SLC27A6: variants seen among roughly 807,000 people sequenced by gnomAD.
SLC27A6 encodes long-chain fatty acid transport protein 6.
A neutral mutation model predicts 63.9 loss-of-function variants in SLC27A6; 74 were observed. The ratio of observed to expected loss-of-function variants is 1.16; its 90% CI spans 0.96 to 1.40. The LOEUF is 1.40. Ranked by LOEUF, SLC27A6 falls within the 40% of genes most tolerant of loss-of-function variation. The pLI is 0.00. For missense variants in SLC27A6, 794 were observed against 732.9 expected (o/e 1.08, Z -0.96); for synonymous variants, 287 against 260.8 (o/e 1.10, Z -0.97).
chr5:129,023,930 TA>T (rs1257588711), intron 6 of SLC27A6, among the ~76,000 whole-genome samples: 22 of 152,130 alleles, frequency 1.4e-4, no homozygotes, highest in African/African-American at 5.1e-4. Flanking sequence ...TAATACAATG[TA>T]AATGCTACAT....
intron 9 of SLC27A6, 27 bp from the exon 10 acceptor site, chr5:129,033,079 C>G: frequency 6.5e-7 from 1 of 1,533,618 alleles, no homozygotes; most frequent in East Asian, 2.3e-5. Flanking sequence ...TTAAATGATT[C>G]TACTCATCCT....
At chr5:129,014,465 GT>G (rs1751825680) in intron 4 of SLC27A6, among the ~76,000 whole-genome samples, 1 of 152,160 alleles carries the variant, frequency 6.6e-6, no homozygotes, top group South Asian at 2.1e-4. Flanking sequence ...GTGCTTTTGT[GT>G]TTGAATTACA....
chr5:129,019,300 C>T (rs577189906), intron 5 of SLC27A6, among the ~76,000 whole-genome samples: 2 of 151,582 alleles, frequency 1.3e-5, no homozygotes, highest in Admixed American at 6.6e-5. Flanking sequence ...AGTATTTTCA[C>T]CTGGGGAAAG....
intron 4 of SLC27A6, among the ~76,000 whole-genome samples, chr5:128,992,871 A>G (rs1045431068): frequency 3.9e-5 from 6 of 152,190 alleles, no homozygotes; most frequent in Non-Finnish European, 8.8e-5. Flanking sequence ...TTTCTAAACC[A>G]TGTGCTCCAC....
Position 129,033,328 on chromosome 5 carries a change from G to GA in SLC27A6, c.*47dup. The GA allele has an allele frequency of 1.3e-5, 16 of 1,190,546 alleles. No individual in the cohort carries two copies. Among genetic ancestry groups the GA allele is most frequent in the Non-Finnish European group, 1.9e-5 (16 of 845,562 alleles). The allele number at this position is 1,190,546 out of a possible 1,614,324, so 73.7% of individuals were successfully genotyped here. A position where few individuals can be genotyped will look rare whatever the true frequency, so the allele number is the denominator to read the frequency against. On this transcript the variant is annotated 3_prime_UTR_variant, in exon 10 of 10. Coordinates refer to ENST00000262462, the MANE Select transcript of SLC27A6 (RefSeq NM_001017372.3). ...TCATATGCTTTCTTAGGAAGAGTGA[G>GA]AGGGGGGTATATGATTCTTTATGAA... is the stretch of plus-strand genomic sequence containing the variant.
chr5:128,999,876 T>A (rs1015313445), intron 4 of SLC27A6, among the ~76,000 whole-genome samples: 1 of 152,128 alleles, frequency 6.6e-6, no homozygotes, highest in African/African-American at 2.4e-5. Flanking sequence ...TATACATGCA[T>A]CAAGAGAATA....
intron 4 of SLC27A6, among the ~76,000 whole-genome samples, chr5:128,995,110 T>C (rs1034960974): frequency 2.0e-5 from 3 of 152,178 alleles, no homozygotes; most frequent in Non-Finnish European, 4.4e-5. Context: ...TCATACAATC[T>C]GATTGGGTCT....
chr5:128,966,079 G>T lies in SLC27A6; in HGVS notation c.-59G>T. On this transcript the variant is annotated 5_prime_UTR_variant, in exon 1 of 10. Transcript: ENST00000262462. ...CGGTCTCCGTGGAGAGCTGTGCCTG[G>T]AAGAGAAGGACGCTGGTGGGGGCTG... 1 of 1,511,582 alleles carries T rather than the reference G, an allele frequency of 6.6e-7. No homozygotes were observed. The highest frequency in any genetic ancestry group is 8.8e-7 in the Non-Finnish European group (1 of 1,133,266). The allele number at this position is 1,511,582 out of a possible 1,614,324, so 93.6% of individuals were successfully genotyped here. A position where few individuals can be genotyped will look rare whatever the true frequency, so the allele number is the denominator to read the frequency against.
chr5:129,019,232 A>C (rs1751998896), intron 5 of SLC27A6, among the ~76,000 whole-genome samples: 1 of 152,092 alleles, frequency 6.6e-6, no homozygotes, highest in Non-Finnish European at 1.5e-5. Flanking sequence ...AAATTTAGTG[A>C]CAACATATTT....
At chr5:128,975,487 T>A (rs933674583) in intron 1 of SLC27A6, among the ~76,000 whole-genome samples, 2 of 146,224 alleles carry the variant, frequency 1.4e-5, no homozygotes, top group Admixed American at 1.4e-4. Context: ...TTATTGCTCC[T>A]AGGCTACAAA....
chr5:128,976,020 A>G (rs1192196780), intron 1 of SLC27A6, among the ~76,000 whole-genome samples: 1 of 152,088 alleles, frequency 6.6e-6, no homozygotes, highest in Admixed American at 6.5e-5. Context: ...TTGTTGATCT[A>G]GCTGAGTCTA....
intron 4 of SLC27A6, among the ~76,000 whole-genome samples, chr5:129,013,636 C>T (rs1751799258): frequency 6.6e-6 from 1 of 151,982 alleles, no homozygotes; most frequent in South Asian, 2.1e-4. Context: ...AAATGTCCAA[C>T]TGTATTTCCC....
At chr5:128,980,298 A>T (rs553104879) in intron 1 of SLC27A6, among the ~76,000 whole-genome samples, 2 of 152,368 alleles carry the variant, frequency 1.3e-5, no homozygotes, top group Admixed American at 1.3e-4. Flanking sequence ...CCATTTAATT[A>T]TCTCAACAAC....
intron 1 of SLC27A6, among the ~76,000 whole-genome samples, chr5:128,975,302 G>C (rs1750338045): frequency 6.6e-6 from 1 of 152,218 alleles, no homozygotes; most frequent in African/African-American, 2.4e-5. Context: ...AGTGAGCTGA[G>C]ATCGTGCAAC....
At position 128,973,833 on chromosome 5, in the gene SLC27A6, A is replaced by G. The variant is rs567765470; in HGVS notation, c.481+7215A>G. ...TCCGGTACCTCAGTTGGAAATGCAG[A>G]AATCACCTGTCTTCTGCGTCGCTCA... On this transcript the variant is annotated intron_variant, in intron 1 of 9. Transcript: ENST00000262462. Among the ~76,000 whole-genome samples the G allele has an allele frequency of 2.4e-4, 37 of 152,368 alleles. 1 individual carries two copies. In the South Asian group the frequency reaches 5.0e-3, roughly 20 times the overall value.
rs752165309 is a variant in SLC27A6, at chr5:128,966,101, GC to G, written c.-36del. 2.6e-6 allele frequency: 4 copies of G among 1,519,642 alleles called. No homozygotes were observed. Among genetic ancestry groups the G allele is most frequent in the African/African-American group, 1.4e-5 (1 of 71,794 alleles). 94.1% of individuals were successfully genotyped at this position (1,519,642 alleles called of 1,614,324 possible). On this transcript the variant is annotated 5_prime_UTR_variant, in exon 1 of 10. Transcript: ENST00000262462. The stretch of plus-strand genomic sequence containing the variant: ...CTGGAAGAGAAGGACGCTGGTGGGG[GC>G]TGAGATCAGAGCTGTCTTCTGGCCC...
rs1751518982 is a variant in SLC27A6 at position 129,006,083 on chromosome 5, T to TTTTTTTTTTTTTTA, written c.970-9789_970-9788insATTTTTTTTTTTTT. On this transcript the variant is annotated intron_variant, in intron 4 of 9. Transcript: ENST00000262462. The stretch of plus-strand genomic sequence containing the variant: ...TCCTGTGCACACTGTTTTTTTTTTT[T>TTTTTTTTTTTTTTA]TTTTTTTTTTTTTGAGACGGAGTCT... Among the ~76,000 whole-genome samples, 2 of 121,222 alleles carry TTTTTTTTTTTTTTA rather than the reference T, an allele frequency of 1.6e-5. 1 individual carries two copies. The highest frequency in any genetic ancestry group is 6.7e-5 in the African/African-American group (2 of 30,006). 79.5% of individuals were successfully genotyped at this position (121,222 alleles called of 152,430 possible).
intron 1 of SLC27A6, among the ~76,000 whole-genome samples, chr5:128,969,672 C>A (rs931087942): frequency 2.0e-5 from 3 of 152,124 alleles, no homozygotes; most frequent in South Asian, 2.1e-4. Context: ...GGCTGAGATG[C>A]TGGGGTTCTC....
At chr5:128,991,444 T>G (rs1057332963) in intron 4 of SLC27A6, among the ~76,000 whole-genome samples, 1 of 152,206 alleles carries the variant, frequency 6.6e-6, no homozygotes, top group African/African-American at 2.4e-5. Context: ...TATCCAAGAA[T>G]GTACTAATGT....
Sources: allele counts gnomAD v4.1 joint callset (sites outside exome capture counted in the v4.1 genomes callset), GRCh38; gene constraint gnomAD v4.1.1; transcripts MANE v1.5; gene names NCBI Gene and HGNC (gene_info 2026-07-23, HGNC 2026-07-21).